CNTN5: variants seen among roughly 807,000 people sequenced by gnomAD.
The protein encoded by CNTN5 is contactin 5, also known as contactin-5.
In CNTN5, 77 loss-of-function variants were observed where a neutral mutation model predicts 129.1. The observed-to-expected ratio is 0.60, with a 90% CI of 0.50 to 0.72. The LOEUF is 0.72. CNTN5 is among the 30% of genes least tolerant of loss of function. CNTN5 has a pLI of 0.00. For missense variants in CNTN5, 1,478 were observed against 1,328.8 expected, an observed-to-expected ratio of 1.11 and a Z score of -1.75; for synonymous variants, 509 against 465.6, an observed-to-expected ratio of 1.09 and a Z score of -1.20.
At chr11:99,168,745 G>A (rs1228111289) in intron 1 of CNTN5, among the ~76,000 whole-genome samples, 1 of 152,054 alleles carries the variant, frequency 6.6e-6, no homozygotes, top group African/African-American at 2.4e-5. Flanking sequence ...AAACATTAAG[G>A]CAAAATTGAA....
rs548485775 is a variant in CNTN5 at position 99,743,995 on chromosome 11, C to T, written c.56-75549C>T. Among the ~76,000 whole-genome samples, 94 of 151,932 alleles carry T rather than the reference C, an allele frequency of 6.2e-4. 1 individual carries two copies. Among genetic ancestry groups the T allele is most frequent in the African/African-American group, 2.1e-3 (88 of 41,436 alleles). ...ATGTTTTTTACCCTGACTTTTGTACCCCCATCAAAACCAGTATGCAATGTG... is the reference window on the plus strand; with the variant it reads ...ATGTTTTTTACCCTGACTTTTGTACTCCCATCAAAACCAGTATGCAATGTG... On this transcript the variant is annotated intron_variant, in intron 3 of 24. Transcript: ENST00000524871.
chr11:100,285,998 C>T (rs535237728), intron 18 of CNTN5, among the ~76,000 whole-genome samples: 34 of 151,652 alleles, frequency 2.2e-4, no homozygotes, highest in African/African-American at 5.4e-4. Flanking sequence ...GGGTGACAGA[C>T]GCACCTGGAA....
chr11:99,584,361 G>A (rs7950111), intron 3 of CNTN5, among the ~76,000 whole-genome samples: 11,817 of 152,176 alleles, frequency 0.078, 714 homozygotes, highest in African/African-American at 0.17. Context: ...TTAGTGCAGA[G>A]CTTCTCATGC....
At chr11:100,031,360 G>T (rs1244913929) in intron 9 of CNTN5, among the ~76,000 whole-genome samples, 1 of 152,178 alleles carries the variant, frequency 6.6e-6, no homozygotes, top group Non-Finnish European at 1.5e-5. Context: ...CCTATGAGTG[G>T]ACGTGCAGTC....
chr11:99,075,040 ACT>A (rs1334228624), intron 1 of CNTN5, among the ~76,000 whole-genome samples: 1 of 152,196 alleles, frequency 6.6e-6, no homozygotes, highest in African/African-American at 2.4e-5. Context: ...CAAGAGAGAC[ACT>A]CATATAAAAA....
intron 18 of CNTN5, among the ~76,000 whole-genome samples, chr11:100,273,115 G>A (rs146968080): frequency 0.011 from 1,642 of 152,136 alleles, 91 homozygotes; most frequent in Admixed American, 0.086. Flanking sequence ...GCCTCTCCCC[G>A]AGCCTCAGTA....
chr11:99,121,408 C>A (rs557591089), intron 1 of CNTN5, among the ~76,000 whole-genome samples: 6 of 152,172 alleles, frequency 3.9e-5, no homozygotes, highest in Non-Finnish European at 8.8e-5. Context: ...GCTGGGCTTA[C>A]AGGCATGAGC....
At chr11:99,975,366 C>A (rs1039303103) in intron 8 of CNTN5, among the ~76,000 whole-genome samples, 2 of 152,086 alleles carry the variant, frequency 1.3e-5, no homozygotes, top group African/African-American at 2.4e-5. Context: ...CAATTTCTCC[C>A]TTTTGGAAAG....
At chr11:99,581,966 G>A (rs200745960) in intron 3 of CNTN5, among the ~76,000 whole-genome samples, 1 of 152,010 alleles carries the variant, frequency 6.6e-6, no homozygotes, top group Non-Finnish European at 1.5e-5. Context: ...GCTGGTACCA[G>A]TTGTTCCTTT....
At chr11:100,285,233 C>G (rs911154806) in intron 18 of CNTN5, among the ~76,000 whole-genome samples, 2 of 152,000 alleles carry the variant, frequency 1.3e-5, no homozygotes, top group Admixed American at 1.3e-4. Context: ...ATTGAGAAAA[C>G]ATTTTCAGAG....
intron 2 of CNTN5, among the ~76,000 whole-genome samples, chr11:99,536,241 G>T (rs974062144): frequency 3.4e-5 from 5 of 148,454 alleles, no homozygotes; most frequent in African/African-American, 9.8e-5. Flanking sequence ...TAGACTATTG[G>T]CCTTCAAATA....
At chr11:100,211,473 A>AG (rs1453966774) in intron 15 of CNTN5, among the ~76,000 whole-genome samples, 3 of 133,374 alleles carry the variant, frequency 2.2e-5, no homozygotes, top group African/African-American at 9.5e-5. Context: ...TGATATTGGG[A>AG]AAAAAAAAAA....
At chr11:100,319,884 CT>C (rs1248889970) in intron 21 of CNTN5, among the ~76,000 whole-genome samples, 1 of 152,066 alleles carries the variant, frequency 6.6e-6, no homozygotes, top group African/African-American at 2.4e-5. Context: ...GGCAGGATTT[CT>C]TTCTTTTTTA....
At chr11:99,414,211 GA>G (rs1281532485) in intron 2 of CNTN5, among the ~76,000 whole-genome samples, 3 of 152,086 alleles carry the variant, frequency 2.0e-5, no homozygotes, top group Non-Finnish European at 4.4e-5. Context: ...CAAACGCTGA[GA>G]AAATAACAAA....
chr11:100,152,304 C>T (rs376245902), intron 13 of CNTN5, among the ~76,000 whole-genome samples: 2 of 152,108 alleles, frequency 1.3e-5, no homozygotes, highest in Non-Finnish European at 2.9e-5. Flanking sequence ...GACCCAGAAG[C>T]GTTTAGAGAT....
intron 2 of CNTN5, among the ~76,000 whole-genome samples, chr11:99,462,360 C>CTTTTTTTTTTTTTTTTTTTTTTTTTTCT (rs72276833): frequency 8.0e-6 from 1 of 125,286 alleles, no homozygotes; most frequent in Non-Finnish European, 1.7e-5. Flanking sequence ...CTTTTCTTTT[C>CTTTTTTTTTTTTTTTTTTTTTTTTTTCT]TTTTTTTTTT....
intron 6 of CNTN5, among the ~76,000 whole-genome samples, chr11:99,848,948 A>C (rs909953802): frequency 6.6e-6 from 1 of 152,184 alleles, no homozygotes; most frequent in Non-Finnish European, 1.5e-5. Flanking sequence ...TGTTATATCA[A>C]TGATACTTTC....
chr11:100,289,997 C>G (rs966270801), intron 18 of CNTN5, among the ~76,000 whole-genome samples: 2 of 150,450 alleles, frequency 1.3e-5, no homozygotes, highest in African/African-American at 4.9e-5. Context: ...GAGTGAACTC[C>G]CATTCACAAT....
At chr11:99,281,077 T>G (rs897631206) in intron 1 of CNTN5, among the ~76,000 whole-genome samples, 1 of 151,714 alleles carries the variant, frequency 6.6e-6, no homozygotes, top group East Asian at 1.9e-4. Context: ...GAAGATAAAT[T>G]TGAAGATATT....
Sources: allele counts gnomAD v4.1 joint callset (sites outside exome capture counted in the v4.1 genomes callset), GRCh38; gene constraint gnomAD v4.1.1; transcripts MANE v1.5; gene names NCBI Gene and HGNC (gene_info 2026-07-23, HGNC 2026-07-21).